ZNF215: variants seen among roughly 807,000 people sequenced by gnomAD.
ZNF215 encodes the protein BWSCR2-associated zinc finger protein 2.
ZNF215 carries 24 observed loss-of-function variants against 27.2 expected under a neutral mutation model. The ratio of observed to expected loss-of-function variants is 0.88; its 90% confidence interval spans 0.64 to 1.24. ZNF215 has a LOEUF of 1.24. Among genes scored for constraint, ZNF215 ranks in the 50% most tolerant of loss-of-function variants. ZNF215 has a pLI of 0.00. For missense variants in ZNF215, 675 were observed against 605.7 expected, an observed-to-expected ratio of 1.11 and a Z score of -1.20; for synonymous variants, 210 against 204.0, an observed-to-expected ratio of 1.03 and a Z score of -0.25.
At chr11:6,954,606 G>T (rs1048149025) in intron 6 of ZNF215, among the ~76,000 whole-genome samples, 5 of 152,330 alleles carry the variant, frequency 3.3e-5, no homozygotes, top group Non-Finnish European at 5.9e-5. Flanking sequence ...TATTAGGGTG[G>T]GAGTGACCCG....
intron 5 of ZNF215, among the ~76,000 whole-genome samples, chr11:6,980,402 A>G (rs1310712312): frequency 6.6e-6 from 1 of 152,086 alleles, no homozygotes; most frequent in Non-Finnish European, 1.5e-5. Context: ...CTACAATACT[A>G]AATTCAGTTG....
intron 5 of ZNF215, among the ~76,000 whole-genome samples, chr11:6,963,823 G>A (rs930959486): frequency 6.6e-6 from 1 of 151,966 alleles, no homozygotes; most frequent in Non-Finnish European, 1.5e-5. Flanking sequence ...TTTAGCTATG[G>A]TGTACTAGAA....
chr11:6,943,258 C>G (rs769155380), intron 5 of ZNF215, 43 bp downstream of exon 5: 1 of 1,575,296 alleles, frequency 6.3e-7, no homozygotes, highest in South Asian at 1.2e-5. Flanking sequence ...TTAGTAATCT[C>G]TTCCTACCGT....
At chr11:6,965,640 T>C (rs1372960732) in intron 5 of ZNF215, among the ~76,000 whole-genome samples, 1 of 152,200 alleles carries the variant, frequency 6.6e-6, no homozygotes, top group Admixed American at 6.5e-5. Context: ...TTGTTAGATA[T>C]ACTTCCATGT....
chr11:6,989,764 A>G (rs117983753), downstream of ZNF215, among the ~76,000 whole-genome samples: 1,420 of 152,278 alleles, frequency 9.3e-3, 12 homozygotes, highest in Admixed American at 0.015. Context: ...CAATATTGCA[A>G]CCACCAGACA....
chr11:6,979,479 C>T (rs907153063), intron 5 of ZNF215, among the ~76,000 whole-genome samples: 1 of 151,992 alleles, frequency 6.6e-6, no homozygotes, highest in Non-Finnish European at 1.5e-5. Flanking sequence ...TTTATAAGTA[C>T]TTGCTCTTTC....
At chr11:6,954,850 C>T (rs147559614) in intron 6 of ZNF215, among the ~76,000 whole-genome samples, 5,807 of 152,126 alleles carry the variant, frequency 0.038, 166 homozygotes, top group Non-Finnish European at 0.054. Context: ...AGCTGTAGAC[C>T]GGAGCTGTTC....
intron 6 of ZNF215, among the ~76,000 whole-genome samples, chr11:6,944,358 A>ATAC (rs1849742330): frequency 6.7e-6 from 1 of 149,538 alleles, no homozygotes; most frequent in African/African-American, 2.5e-5. Flanking sequence ...AGTCAACTTT[A>ATAC]TACTAGAGTG....
chr11:6,989,149 T>TG (rs1851091653), downstream of ZNF215, among the ~76,000 whole-genome samples: 1 of 23,840 alleles, frequency 4.2e-5, no homozygotes, highest in Non-Finnish European at 7.1e-5. Context: ...GAGATCCGTC[T>TG]CAAAAAAAAA....
intron 6 of ZNF215, among the ~76,000 whole-genome samples, chr11:6,994,290 A>G (rs1344672565): frequency 6.6e-6 from 1 of 152,068 alleles, no homozygotes; most frequent in South Asian, 2.1e-4. Flanking sequence ...TAAGAAGCTC[A>G]TAGGAATCTT....
At chr11:6,985,874 A>G (rs758392294), downstream of ZNF215, among the ~76,000 whole-genome samples, 7 of 152,180 alleles carry the variant, frequency 4.6e-5, no homozygotes, top group Non-Finnish European at 8.8e-5. Context: ...ACACTGTTAA[A>G]TCAAAGATGA....
At chr11:6,951,269 C>A (rs565611762) in intron 6 of ZNF215, among the ~76,000 whole-genome samples, 1,532 of 151,860 alleles carry the variant, frequency 0.01, 28 homozygotes, top group African/African-American at 0.035. Context: ...GGGAGGATTC[C>A]CTCTTTTTCT....
intron 6 of ZNF215, among the ~76,000 whole-genome samples, chr11:6,948,018 A>G (rs1849884979): frequency 6.6e-6 from 1 of 152,216 alleles, no homozygotes; most frequent in Non-Finnish European, 1.5e-5. Flanking sequence ...GTCACCTTAA[A>G]GACTAGGTCT....
intron 2 of ZNF215, among the ~76,000 whole-genome samples, chr11:6,929,823 C>T (rs1002036381): frequency 2.6e-5 from 4 of 151,094 alleles, no homozygotes; most frequent in Non-Finnish European, 4.4e-5. Context: ...AATTCCTATG[C>T]AGAGCCCATA....
At chr11:6,976,152 T>G (rs1850829947) in intron 5 of ZNF215, among the ~76,000 whole-genome samples, 1 of 152,090 alleles carries the variant, frequency 6.6e-6, no homozygotes, top group South Asian at 2.1e-4. Context: ...TTCTGATAAA[T>G]GTTTATTCAA....
rs1007421571 is a variant in ZNF215 at position 6,994,077 on chromosome 11, T to C, written c.*192+5757T>C. On this transcript the variant is annotated intron_variant and NMD_transcript_variant, in intron 6 of 6. Transcript: ENST00000636606. ...GTTCCTAAGTACAAGAGGGCTGTGA[T>C]GTACCTTAGGAAAAAATACATGTGA... 9.2e-5 allele frequency among the ~76,000 whole-genome samples: 14 copies of C among 152,284 alleles called. 1 individual carries two copies. Among genetic ancestry groups the C allele is most frequent in the Non-Finnish European group, 1.3e-4 (9 of 68,014 alleles).
rs371333996 is a variant in ZNF215, at chr11:6,932,560, C to T, written c.288C>T (p.Phe96=). The T allele has an allele frequency of 1.1e-5, 17 of 1,614,020 alleles. No individual in the cohort carries two copies. The African/African-American group carries it at 2.1e-4, about 20-fold the overall frequency. ...QIIELLVLEQ[F]LAILPEEVRT... is the part of the protein sequence containing the mutation. ...TAGAACTGTTGGTGCTGGAACAATT[C>T]CTGGCAATCCTGCCTGAAGAAGTCA... Residue 96 remains phenylalanine, a synonymous_variant, in exon 3 of 7, where the codon TTC becomes TTT. Coordinates refer to ENST00000278319, the MANE Select transcript of ZNF215 (RefSeq NM_013250.4).
At chr11:6,930,603 G>C (rs760451195) in intron 2 of ZNF215, among the ~76,000 whole-genome samples, 1 of 152,168 alleles carries the variant, frequency 6.6e-6, no homozygotes, top group Non-Finnish European at 1.5e-5. Flanking sequence ...TGAATGATCT[G>C]TGCAGGCAGG....
intron 3 of ZNF215, among the ~76,000 whole-genome samples, chr11:6,938,988 A>C (rs1433594011): frequency 6.6e-6 from 1 of 152,210 alleles, no homozygotes; most frequent in Non-Finnish European, 1.5e-5. Flanking sequence ...AGAAAATTAA[A>C]GAATCAATGT....
Sources: gnomAD v4.1 joint callset for allele counts (sites outside exome capture counted in the v4.1 genomes callset) on GRCh38, gnomAD v4.1.1 for gene constraint, MANE v1.5 for transcripts, NCBI Gene and HGNC (gene_info 2026-07-23, HGNC 2026-07-21) for gene names.